The following TEKT1 variants were observed in gnomAD, a reference collection of about 807,000 sequenced individuals.
The protein encoded by TEKT1 is tektin-1.
Under a neutral mutation model 34.8 loss-of-function variants are expected in TEKT1, and 32 were observed. The ratio of observed to expected loss-of-function variants is 0.92; its 90% CI spans 0.69 to 1.23. The LOEUF (loss-of-function observed/expected upper bound fraction) is 1.23, where lower values mean the gene tolerates loss of function less well. TEKT1 is among the 50% of genes most tolerant of loss of function. The probability of loss-of-function intolerance (pLI) is 0.00; values close to 1 mark genes in which losing one functional copy is unlikely to be tolerated. For synonymous variants in TEKT1, 207 were observed against 199.8 expected, an observed-to-expected ratio of 1.04 and a Z score of -0.30; for missense variants, 492 against 518.5, an observed-to-expected ratio of 0.95 and a Z score of 0.50.
chr17:6,818,795 T>C (rs1345844640), intron 3 of TEKT1, among the ~76,000 whole-genome samples: 2 of 152,168 alleles, frequency 1.3e-5, no homozygotes, highest in Non-Finnish European at 2.9e-5. Flanking sequence ...GTGAAAGCCA[T>C]GTGCAGTAGA....
intron 6 of TEKT1, among the ~76,000 whole-genome samples, chr17:6,801,868 C>A (rs1009682499): frequency 2.6e-5 from 4 of 152,044 alleles, no homozygotes; most frequent in African/African-American, 4.8e-5. Flanking sequence ...GACTAAGGAA[C>A]CTCGCATAGT....
chr17:6,831,725 A>G lies in TEKT1; in HGVS notation c.-94T>C, dbSNP rs1904580087. ...CCCAACTGGAGCTTCCAGCTCTTGC[A>G]GAACAGAGAGGTAAACAACGCGGTC... On this transcript the variant is annotated 5_prime_UTR_variant, in exon 1 of 8. Transcript: ENST00000338694. 1 of 152,232 alleles carries G rather than the reference A, an allele frequency of 6.6e-6. No homozygotes were observed. 9.4% of individuals were successfully genotyped at this position (152,232 alleles called of 1,614,324 possible).
At chr17:6,815,993 A>T in intron 3 of TEKT1, 31 bp from the exon 4 acceptor site, 1 of 1,611,950 alleles carries the variant, frequency 6.2e-7, no homozygotes. Flanking sequence ...CAGTCAGCCA[A>T]CACGTGCAAC....
intron 6 of TEKT1, among the ~76,000 whole-genome samples, chr17:6,805,959 G>C (rs1290470389): frequency 4.6e-5 from 7 of 152,300 alleles, no homozygotes; most frequent in Admixed American, 1.3e-4. Flanking sequence ...TTGGGGTGGA[G>C]AGTTCTGTAG....
intron 6 of TEKT1, among the ~76,000 whole-genome samples, chr17:6,802,185 T>A (rs760035279): frequency 6.6e-6 from 1 of 152,194 alleles, no homozygotes; most frequent in African/African-American, 2.4e-5. Context: ...CCAAATTACA[T>A]CCCAATGAGG....
At chr17:6,823,441 T>A (rs982741113) in intron 2 of TEKT1, among the ~76,000 whole-genome samples, 10 of 152,368 alleles carry the variant, frequency 6.6e-5, no homozygotes, top group African/African-American at 2.4e-4. Flanking sequence ...TGTGTGTATG[T>A]GTGCACACGC....
intron 3 of TEKT1, among the ~76,000 whole-genome samples, chr17:6,816,299 G>T (rs1295482274): frequency 1.3e-5 from 2 of 151,946 alleles, no homozygotes; most frequent in Admixed American, 6.6e-5. Context: ...TGATACATAG[G>T]TATACATGTG....
chr17:6,827,397 G>A (rs1232523612), intron 2 of TEKT1, among the ~76,000 whole-genome samples: 2 of 151,746 alleles, frequency 1.3e-5, no homozygotes, highest in Non-Finnish European at 2.9e-5. Flanking sequence ...GAGTAGCTGG[G>A]ATTACAGGCA....
chr17:6,815,698 G>A (rs1976995495), intron 4 of TEKT1, 136 bp downstream of exon 4: 2 of 1,347,416 alleles, frequency 1.5e-6, no homozygotes, highest in East Asian at 2.4e-5. Context: ...TGAGTGCTGG[G>A]GCAATCTGGG....
In TEKT1 at chr17:6,800,245, G is replaced by T. The variant is rs1394702534; in HGVS notation, c.1050-11C>A. 3.1e-6 allele frequency: 5 copies of T among 1,610,364 alleles called. No individual in the cohort carries two copies. Among genetic ancestry groups the T allele is most frequent in the South Asian group, 2.2e-5 (2 of 90,552 alleles). Reference sequence around the variant, plus strand: ...AAAGTTTCCTTCAATCTAGGAGAAAGGGAAGAAGAGAAGAGAATAATTTCT... The same window carrying T: ...AAAGTTTCCTTCAATCTAGGAGAAATGGAAGAAGAGAAGAGAATAATTTCT... On this transcript the variant is annotated splice_polypyrimidine_tract_variant and intron_variant, in intron 7 of 7. Coordinates refer to ENST00000338694, the MANE Select transcript of TEKT1 (RefSeq NM_053285.2).
rs1976759574 is a variant in TEKT1 at position 6,800,767 on chromosome 17, C to T, written c.1029G>A (p.Glu343=). 1 of 1,613,150 alleles carries T rather than the reference C, an allele frequency of 6.2e-7. No homozygotes were observed. Among genetic ancestry groups the T allele is most frequent in the African/African-American group, 1.3e-5 (1 of 75,010 alleles). The change falls in exon 7 of 8, where the codon GAG becomes GAA. Residue 343 remains glutamate (E), a synonymous_variant. Coordinates refer to ENST00000338694, the MANE Select transcript of TEKT1 (RefSeq NM_053285.2). Reference sequence around the variant, plus strand: ...CCTACCTTGCGACATTGTGGGTGATCTCTTGAACCTCCTTCATTAGCCTAT... The same window carrying T: ...CCTACCTTGCGACATTGTGGGTGATTTCTTGAACCTCCTTCATTAGCCTAT... ...AQYRLMKEVQ[E]ITHNVARLKE... is the part of the protein sequence containing the mutation.
Position 6,799,454 on chromosome 17 carries a change from A to T in TEKT1, c.*573T>A, listed in dbSNP as rs1271910178. 1 of 152,248 alleles carries T rather than the reference A, an allele frequency of 6.6e-6. No homozygotes were observed. Among genetic ancestry groups the T allele is most frequent in the African/African-American group, 2.4e-5 (1 of 41,420 alleles). The allele number at this position is 152,248 out of a possible 1,614,324, so 9.4% of individuals were successfully genotyped here. ...CAGTATGAAGCCCTTTACGGAGGTG[A>T]TCTCATTCAACGCCCCTATAGCCCT... On this transcript the variant is annotated 3_prime_UTR_variant, in exon 8 of 8. Transcript: ENST00000338694.
intron 3 of TEKT1, among the ~76,000 whole-genome samples, chr17:6,818,288 T>C: frequency 6.6e-6 from 1 of 152,302 alleles, no homozygotes; most frequent in Admixed American, 6.5e-5. Flanking sequence ...CAACAGCCAG[T>C]GTGCAGGGTG....
chr17:6,814,243 G>A (rs1302288674), intron 5 of TEKT1, among the ~76,000 whole-genome samples: 4 of 152,162 alleles, frequency 2.6e-5, no homozygotes, highest in Non-Finnish European at 5.9e-5. Flanking sequence ...ATTGTCTTAA[G>A]CTGCAAAGTT....
intron 2 of TEKT1, among the ~76,000 whole-genome samples, chr17:6,822,391 C>T (rs187971504): frequency 6.5e-4 from 99 of 152,300 alleles, no homozygotes; most frequent in Non-Finnish European, 1.1e-3. Context: ...CCTATTTTGG[C>T]TTCCCAAAGT....
chr17:6,812,482 G>A (rs934177461), intron 6 of TEKT1, among the ~76,000 whole-genome samples: 4 of 152,136 alleles, frequency 2.6e-5, no homozygotes, highest in Non-Finnish European at 4.4e-5. Context: ...GTCCATTTCC[G>A]TACTTCACAT....
chr17:6,819,966 G>A (rs1018780197), intron 2 of TEKT1, among the ~76,000 whole-genome samples: 13 of 152,182 alleles, frequency 8.5e-5, no homozygotes, highest in African/African-American at 3.1e-4. Context: ...GGGATTACAG[G>A]TGTCAGCCAC....
At chr17:6,831,492 T>C (rs1240045144) in intron 1 of TEKT1, among the ~76,000 whole-genome samples, 157 bp downstream of exon 1, 2 of 152,332 alleles carry the variant, frequency 1.3e-5, no homozygotes, top group East Asian at 3.9e-4. Flanking sequence ...TATCTGAGTG[T>C]GGAGCCCAGC....
chr17:6,831,010 A>G (rs4796564), intron 1 of TEKT1, among the ~76,000 whole-genome samples: 58 of 134,292 alleles, frequency 4.3e-4, no homozygotes, highest in Admixed American at 4.3e-4. Flanking sequence ...AGAAGAAGAA[A>G]AAGAAGAGGA....
Sources: allele counts gnomAD v4.1 joint callset (sites outside exome capture counted in the v4.1 genomes callset), GRCh38; gene constraint gnomAD v4.1.1; transcripts MANE v1.5; gene names NCBI Gene and HGNC (gene_info 2026-07-23, HGNC 2026-07-21).